WDPCP: variants seen among roughly 807,000 people sequenced by gnomAD.
WDPCP encodes the protein WD repeat containing planar cell polarity effector.
In WDPCP, 71 loss-of-function variants were observed where a neutral mutation model predicts 93.1. The ratio of observed to expected loss-of-function variants is 0.76; its 90% CI spans 0.63 to 0.93. The LOEUF (loss-of-function observed/expected upper bound fraction) is 0.93. Ranked by LOEUF, WDPCP falls within the 40% of genes least tolerant of loss-of-function variation. WDPCP has a pLI of 0.00. For missense variants in WDPCP, 844 were observed against 887.4 expected, an observed-to-expected ratio of 0.95 and a Z score of 0.62; for synonymous variants, 315 against 315.0, an observed-to-expected ratio of 1.00 and a Z score of 0.00.
At chr2:63,155,880 C>A (rs1672208528) in intron 15 of WDPCP, among the ~76,000 whole-genome samples, 1 of 152,148 alleles carries the variant, frequency 6.6e-6, no homozygotes, top group Non-Finnish European at 1.5e-5. Context: ...TTTAAAAAAT[C>A]CTTCTGGGAT....
At position 63,825,060 on chromosome 2, in the gene WDPCP, C is replaced by T. The variant is rs140952863; in HGVS notation, n.222+2562G>A. 3.6e-4 allele frequency among the ~76,000 whole-genome samples: 55 copies of T among 152,080 alleles called. 1 individual carries two copies. The highest frequency in any genetic ancestry group is 1.3e-3 in the African/African-American group (52 of 41,466). ...TCTTTAAGACCTTAATAAATTTGGG[C>T]GCGAGATAAATTTTTAAAATTACAA... On this transcript the variant is annotated intron_variant and non_coding_transcript_variant, in intron 1 of 4. Transcript: ENST00000467687.
At chr2:63,312,179 T>A (rs1686236891) in intron 13 of WDPCP, among the ~76,000 whole-genome samples, 1 of 152,170 alleles carries the variant, frequency 6.6e-6, no homozygotes, top group Non-Finnish European at 1.5e-5. Context: ...ATTAGATTTT[T>A]TATGATCAAT....
intron 17 of WDPCP, among the ~76,000 whole-genome samples, chr2:63,127,117 T>G (rs1013912428): frequency 1.4e-5 from 2 of 139,030 alleles, no homozygotes; most frequent in African/African-American, 5.3e-5. Context: ...GTTGACATAT[T>G]TAACTTTTTT....
intron 3 of WDPCP, among the ~76,000 whole-genome samples, chr2:63,626,656 C>A (rs1351972915): frequency 2.0e-5 from 3 of 152,176 alleles, no homozygotes; most frequent in African/African-American, 7.2e-5. Context: ...GAATGGCAAT[C>A]ATCAAAATGT....
At chr2:63,224,567 G>A (rs1191866021) in intron 14 of WDPCP, among the ~76,000 whole-genome samples, 1 of 151,748 alleles carries the variant, frequency 6.6e-6, no homozygotes, top group East Asian at 1.9e-4. Flanking sequence ...AAAAGTAAAC[G>A]AGATATCAAG....
At chr2:63,476,422 C>T (rs992929311) in intron 6 of WDPCP, among the ~76,000 whole-genome samples, 20 of 152,056 alleles carry the variant, frequency 1.3e-4, no homozygotes, top group African/African-American at 3.9e-4. Flanking sequence ...CTTTTCCTTT[C>T]GGCTTAACCA....
At chr2:63,307,657 T>C (rs913046605) in intron 13 of WDPCP, among the ~76,000 whole-genome samples, 1 of 152,176 alleles carries the variant, frequency 6.6e-6, no homozygotes, top group Non-Finnish European at 1.5e-5. Context: ...TTTTAATAAA[T>C]GGTGTTGGGA....
chr2:63,439,826 GC>G lies in WDPCP; in HGVS notation c.429del (p.Pro144ArgfsTer7). 1 of 1,613,032 alleles carries G rather than the reference GC, an allele frequency of 6.2e-7. No homozygotes were observed. Among genetic ancestry groups the G allele is most frequent in the Non-Finnish European group, 8.5e-7 (1 of 1,179,414 alleles). On this transcript the variant is annotated frameshift_variant, in exon 7 of 18. Coordinates refer to ENST00000272321, the MANE Select transcript of WDPCP (RefSeq NM_015910.7). LOFTEE classifies it high-confidence loss of function. ...TCAATCACCACTTTCTCCAGCTGCG[GC>G]CCAGAAAGGCTTAGAGACACCAGCA... ...SGVLVSLSLSGPQLEKVVIDR... is the reference protein window; with the variant it reads ...SGVLVSLSLSXPQLEKVVIDR...
chr2:63,500,416 T>G (rs924830639), intron 1 of WDPCP, among the ~76,000 whole-genome samples: 1 of 150,914 alleles, frequency 6.6e-6, no homozygotes, highest in Non-Finnish European at 1.5e-5. Context: ...TAAGATAATA[T>G]AGTGTCAAGA....
At chr2:63,809,325 C>A (rs1218049640) in intron 2 of WDPCP, among the ~76,000 whole-genome samples, 1 of 146,144 alleles carries the variant, frequency 6.8e-6, no homozygotes, top group Admixed American at 6.8e-5. Context: ...CCGCCCCGTC[C>A]GGGAGGTGAG....
At chr2:63,593,552 G>C (rs1709242936), upstream of WDPCP, 1 of 471,244 alleles carries the variant, frequency 2.1e-6, no homozygotes, top group Admixed American at 2.3e-5. Context: ...ACTCTCATCT[G>C]GAAGAAGGAA....
intron 6 of WDPCP, among the ~76,000 whole-genome samples, chr2:63,478,612 T>C (rs2105870471): frequency 6.6e-6 from 1 of 152,168 alleles, no homozygotes; most frequent in African/African-American, 2.4e-5. Flanking sequence ...GATGGAAATT[T>C]AAAAATTCTT....
intron 3 of WDPCP, among the ~76,000 whole-genome samples, chr2:63,614,578 T>C (rs196123): frequency 0.81 from 122,460 of 152,098 alleles, 49,618 homozygotes; most frequent in East Asian, 0.98. Flanking sequence ...GACCTTCTCT[T>C]ATCCTCTTGT....
At chr2:63,358,555 C>T (rs1456326338) in intron 12 of WDPCP, among the ~76,000 whole-genome samples, 1 of 152,154 alleles carries the variant, frequency 6.6e-6, no homozygotes, top group African/African-American at 2.4e-5. Context: ...GCCTCATACT[C>T]AAGCAACCCT....
intron 2 of WDPCP, among the ~76,000 whole-genome samples, chr2:63,689,028 G>T (rs1668853585): frequency 6.6e-6 from 1 of 152,058 alleles, no homozygotes. Context: ...CCATGTTCTT[G>T]AACTTCCCAG....
At chr2:63,336,925 C>T (rs1315439331) in intron 12 of WDPCP, among the ~76,000 whole-genome samples, 9 of 136,590 alleles carry the variant, frequency 6.6e-5, no homozygotes, top group Admixed American at 4.6e-4. Context: ...GACAGAGTCT[C>T]GCTCTGTCAC....
intron 2 of WDPCP, among the ~76,000 whole-genome samples, chr2:63,793,616 T>G (rs1222549744): frequency 6.6e-6 from 1 of 152,062 alleles, no homozygotes; most frequent in Non-Finnish European, 1.5e-5. Flanking sequence ...TTTATTATTT[T>G]AATAAAATAA....
At chr2:63,395,893 A>G (rs1693688917) in intron 10 of WDPCP, among the ~76,000 whole-genome samples, 1 of 152,010 alleles carries the variant, frequency 6.6e-6, no homozygotes, top group African/African-American at 2.4e-5. Flanking sequence ...ATACCCAGGT[A>G]ATTTTTTTGT....
chr2:63,301,227 G>A (rs1433582289), intron 13 of WDPCP, among the ~76,000 whole-genome samples: 1 of 152,136 alleles, frequency 6.6e-6, no homozygotes, highest in East Asian at 1.9e-4. Context: ...GGAAAATTCT[G>A]CCTTCAACAA....
Sources: allele counts gnomAD v4.1 joint callset (sites outside exome capture counted in the v4.1 genomes callset), GRCh38; gene constraint gnomAD v4.1.1; transcripts MANE v1.5; gene names NCBI Gene and HGNC (gene_info 2026-07-23, HGNC 2026-07-21).